RMDN1: variants seen among roughly 807,000 people sequenced by gnomAD.
RMDN1 encodes regulator of microtubule dynamics protein 1.
A neutral mutation model predicts 48.9 loss-of-function variants in RMDN1; 48 were observed. The ratio of observed to expected loss-of-function variants is 0.98; its 90% CI spans 0.78 to 1.25. The LOEUF is 1.25. Among genes scored for constraint, RMDN1 ranks in the 50% most tolerant of loss-of-function variants. RMDN1 has a pLI of 0.00. For missense variants in RMDN1, 418 were observed against 373.4 expected (o/e 1.12, Z -0.98); for synonymous variants, 148 against 132.6 (o/e 1.12, Z -0.80).
downstream of RMDN1, chr8:86,470,323 G>A (rs1205094200): frequency 7.8e-7 from 1 of 1,289,324 alleles, no homozygotes; most frequent in Admixed American, 2.3e-5. Context: ...GAGAATGTAA[G>A]GGATTCCTGG....
intron 4 of RMDN1, 46 bp downstream of exon 4, chr8:86,486,438 A>G: frequency 7.8e-7 from 1 of 1,288,140 alleles, no homozygotes; most frequent in Non-Finnish European, 1.0e-6. Context: ...AAATATAGAA[A>G]ATGTACCTCT....
chr8:86,477,199 G>T, intron 8 of RMDN1, 95 bp downstream of exon 8: 1 of 859,736 alleles, frequency 1.2e-6, no homozygotes, highest in Non-Finnish European at 1.7e-6. Context: ...AAGTATAACA[G>T]AATAAACAAC....
chr8:86,470,535 GCCACA>G, downstream of RMDN1: 38 of 678,204 alleles, frequency 5.6e-5, no homozygotes, highest in Non-Finnish European at 7.3e-5. Context: ...GGACCCAGGA[GCCACA>G]CTCCTGGGCA....
chr8:86,486,139 C>T (rs1035980865), intron 4 of RMDN1, among the ~76,000 whole-genome samples: 2 of 152,066 alleles, frequency 1.3e-5, no homozygotes, highest in Non-Finnish European at 1.5e-5. Flanking sequence ...AATGAGAAAA[C>T]ATCTGTGAAG....
intron 4 of RMDN1, among the ~76,000 whole-genome samples, chr8:86,485,859 A>G (rs563313442): frequency 2.6e-5 from 4 of 152,378 alleles, no homozygotes; most frequent in Non-Finnish European, 5.9e-5. Flanking sequence ...GTAACAGCAG[A>G]GTAGAGAAAC....
Position 86,505,118 on chromosome 8 carries a change from G to C in RMDN1, c.247+1877C>G, listed in dbSNP as rs114919509. The C allele has an allele frequency of 5.9e-4, 795 of 1,339,426 alleles. 4 individuals are homozygous for C. In the African/African-American group the frequency reaches 0.011, roughly 18 times the overall value. 83.0% of individuals were successfully genotyped at this position (1,339,426 alleles called of 1,614,324 possible). On this transcript the variant is annotated intron_variant, in intron 2 of 9. Transcript: ENST00000406452. ...CAGCATGGGAAAGCCACCTCTCCCT[G>C]AATGAGAGACCTCATCAGGATGAAC...
intron 2 of RMDN1, among the ~76,000 whole-genome samples, chr8:86,503,350 T>TCAAAA (rs1178103772): frequency 9.5e-6 from 1 of 104,920 alleles, no homozygotes; most frequent in African/African-American, 3.5e-5. Context: ...AGACTCCGTC[T>TCAAAA]CAAAACAAAA....
chr8:86,477,390 T>C (rs1355025508), intron 7 of RMDN1, 66 bp from the exon 8 acceptor site: 3 of 1,304,548 alleles, frequency 2.3e-6, no homozygotes, highest in African/African-American at 1.5e-5. Context: ...TAAAAAAGCA[T>C]TGTCTCAAAG....
downstream of RMDN1, chr8:86,472,260 C>T: frequency 1.7e-6 from 1 of 597,658 alleles, no homozygotes; most frequent in East Asian, 2.8e-5. Flanking sequence ...GAAATTCGTG[C>T]TCCATAATTC....
downstream of RMDN1, among the ~76,000 whole-genome samples, chr8:86,470,775 C>G (rs1244259844): frequency 2.0e-5 from 3 of 152,178 alleles, no homozygotes; most frequent in South Asian, 6.2e-4. Flanking sequence ...AAAAGTATCA[C>G]AGGGTCTCAC....
chr8:86,469,054 A>G (rs1812324987), downstream of RMDN1, among the ~76,000 whole-genome samples: 1 of 151,374 alleles, frequency 6.6e-6, no homozygotes, highest in Non-Finnish European at 1.5e-5. Context: ...GGCCCAGGGA[A>G]TAGCTCACAG....
intron 2 of RMDN1, among the ~76,000 whole-genome samples, chr8:86,503,158 C>G (rs1417281062): frequency 2.6e-5 from 4 of 151,884 alleles, no homozygotes; most frequent in Non-Finnish European, 5.9e-5. Context: ...TTGAGACCAG[C>G]CTGACCAACA....
rs553244165 is a variant in RMDN1 at position 86,501,238 on chromosome 8, T to C, written c.247+5757A>G. ...AAAAATAAACAAGAAAAAAATGGAC[T>C]ATGATAAAGCCAAAAGTAATTCTGG... On this transcript the variant is annotated intron_variant, in intron 2 of 9. Coordinates refer to ENST00000406452, the MANE Select transcript of RMDN1 (RefSeq NM_016033.3). Among the ~76,000 whole-genome samples the C allele has an allele frequency of 1.4e-4, 22 of 152,316 alleles. 2 individuals carry two copies. The highest frequency in any genetic ancestry group is 4.3e-4 in the African/African-American group (18 of 41,572).
At chr8:86,498,165 T>A (rs1186500350) in intron 2 of RMDN1, among the ~76,000 whole-genome samples, 3 of 151,504 alleles carry the variant, frequency 2.0e-5, no homozygotes, top group Non-Finnish European at 4.4e-5. Flanking sequence ...ACAGAAGAAA[T>A]GGATAAATTC....
chr8:86,471,917 A>C (rs896733694), downstream of RMDN1, among the ~76,000 whole-genome samples: 2 of 152,214 alleles, frequency 1.3e-5, no homozygotes, highest in African/African-American at 4.8e-5. Flanking sequence ...TTGTGGATGG[A>C]AAGATTAGCA....
chr8:86,504,436 A>G (rs1818931210), intron 2 of RMDN1: 2 of 1,559,184 alleles, frequency 1.3e-6, no homozygotes, highest in Non-Finnish European at 1.8e-6. Context: ...GCTCTCTGGA[A>G]TCAATGTTGT....
upstream of RMDN1, among the ~76,000 whole-genome samples, chr8:86,512,252 A>G (rs1308686225): frequency 6.6e-6 from 1 of 152,240 alleles, no homozygotes; most frequent in Non-Finnish European, 1.5e-5. Context: ...TGGATACTAT[A>G]TATTCTGGAA....
chr8:86,482,535 A>C, intron 5 of RMDN1: 1 of 715,310 alleles, frequency 1.4e-6, no homozygotes, highest in Non-Finnish European at 2.6e-6. Flanking sequence ...AGTATCACTA[A>C]GTGAATGTCA....
At chr8:86,504,329 T>C (rs1818907477) in intron 2 of RMDN1, 1 of 1,578,908 alleles carries the variant, frequency 6.3e-7, no homozygotes, top group Non-Finnish European at 8.7e-7. Context: ...AGTGCAAGGA[T>C]GTCACAAGAA....
Sources: allele counts gnomAD v4.1 joint callset (sites outside exome capture counted in the v4.1 genomes callset), GRCh38; gene constraint gnomAD v4.1.1; transcripts MANE v1.5; gene names NCBI Gene and HGNC (gene_info 2026-07-23, HGNC 2026-07-21).